GPC5: variants seen among roughly 807,000 people sequenced by gnomAD.
GPC5 encodes glypican-5.
A neutral mutation model predicts 53.9 loss-of-function variants in GPC5; 47 were observed. That is an observed-to-expected ratio of 0.87 (90% confidence interval 0.69 to 1.11). The LOEUF is 1.11. Among genes scored for constraint, GPC5 ranks in the 50% most tolerant of loss-of-function variants. The probability of loss-of-function intolerance (pLI) is 0.00; values close to 1 mark genes in which losing one functional copy is unlikely to be tolerated. For synonymous variants in GPC5, 286 were observed against 263.3 expected, an observed-to-expected ratio of 1.09 and a Z score of -0.84; for missense variants, 748 against 713.1, an observed-to-expected ratio of 1.05 and a Z score of -0.56.
At chr13:92,226,716 A>T (rs1420452939) in intron 7 of GPC5, among the ~76,000 whole-genome samples, 2 of 149,492 alleles carry the variant, frequency 1.3e-5, no homozygotes, top group Non-Finnish European at 1.5e-5. Context: ...CTCCTTCCCC[A>T]GTCTCCCGAG....
chr13:92,116,611 T>C (rs2041604090), intron 6 of GPC5, among the ~76,000 whole-genome samples: 1 of 152,238 alleles, frequency 6.6e-6, no homozygotes, highest in South Asian at 2.1e-4. Context: ...CAATGTATGC[T>C]AAACATCAAC....
chr13:91,886,734 T>G (rs749500926), intron 5 of GPC5, among the ~76,000 whole-genome samples: 9 of 152,216 alleles, frequency 5.9e-5, no homozygotes, highest in Non-Finnish European at 1.2e-4. Context: ...CATTAAATGT[T>G]AGAGTTCAAA....
intron 2 of GPC5, among the ~76,000 whole-genome samples, chr13:91,603,950 T>C (rs2033266080): frequency 8.4e-6 from 1 of 118,718 alleles, no homozygotes; most frequent in Non-Finnish European, 1.9e-5. Context: ...TTCTTACTAG[T>C]TTTTTTTTTT....
At chr13:92,631,113 CT>C (rs1342868919) in intron 7 of GPC5, among the ~76,000 whole-genome samples, 3 of 151,812 alleles carry the variant, frequency 2.0e-5, no homozygotes, top group African/African-American at 4.8e-5. Flanking sequence ...CTCATAAGAT[CT>C]TTTTATATTT....
At chr13:92,221,464 G>C (rs1269321799) in intron 7 of GPC5, among the ~76,000 whole-genome samples, 1 of 152,104 alleles carries the variant, frequency 6.6e-6, no homozygotes, top group Non-Finnish European at 1.5e-5. Context: ...TCAAAGTAGA[G>C]TTAGGAATTG....
chr13:92,309,062 T>A (rs922048551), intron 7 of GPC5, among the ~76,000 whole-genome samples: 2 of 152,112 alleles, frequency 1.3e-5, no homozygotes, highest in Non-Finnish European at 2.9e-5. Flanking sequence ...CACTAGCACT[T>A]TTTTAAAAAA....
At chr13:92,259,398 T>A (rs2139139163) in intron 7 of GPC5, among the ~76,000 whole-genome samples, 1 of 152,354 alleles carries the variant, frequency 6.6e-6, no homozygotes, top group African/African-American at 2.4e-5. Flanking sequence ...TGTCTCCTGC[T>A]GTTCCTTTAA....
At chr13:92,672,723 G>A (rs753227896) in intron 7 of GPC5, among the ~76,000 whole-genome samples, 3 of 152,156 alleles carry the variant, frequency 2.0e-5, no homozygotes, top group Non-Finnish European at 4.4e-5. Flanking sequence ...CAGAGACCAT[G>A]TCTTTTGCAG....
intron 6 of GPC5, among the ~76,000 whole-genome samples, chr13:92,103,664 G>A (rs1292352101): frequency 6.6e-6 from 1 of 152,126 alleles, no homozygotes; most frequent in Non-Finnish European, 1.5e-5. Context: ...GCATGTGTGT[G>A]CACAAGAATC....
chr13:91,728,202 ATAAATCAT>A (rs1223509006), intron 3 of GPC5, among the ~76,000 whole-genome samples: 7 of 152,172 alleles, frequency 4.6e-5, no homozygotes, highest in Non-Finnish European at 8.8e-5. Flanking sequence ...AGTTATACAT[ATAAATCAT>A]AAATAATATC....
chr13:91,483,826 T>C (rs1351562798), intron 2 of GPC5, among the ~76,000 whole-genome samples: 1 of 152,196 alleles, frequency 6.6e-6, no homozygotes, highest in Non-Finnish European at 1.5e-5. Flanking sequence ...TCATCAACAT[T>C]ACAGTGAAAC....
intron 2 of GPC5, among the ~76,000 whole-genome samples, chr13:91,471,661 G>A (rs1339565278): frequency 6.6e-6 from 1 of 152,098 alleles, no homozygotes; most frequent in Non-Finnish European, 1.5e-5. Context: ...CTTCAAAACT[G>A]TCTCAACACC....
intron 2 of GPC5, among the ~76,000 whole-genome samples, chr13:91,670,091 G>C (rs1483085001): frequency 6.6e-6 from 1 of 152,142 alleles, no homozygotes; most frequent in Non-Finnish European, 1.5e-5. Flanking sequence ...TAGTGGTTTT[G>C]TAGAGACTAT....
At chr13:92,017,607 G>A (rs2040718252) in intron 6 of GPC5, among the ~76,000 whole-genome samples, 1 of 152,222 alleles carries the variant, frequency 6.6e-6, no homozygotes, top group South Asian at 2.1e-4. Context: ...TTGAACTTCT[G>A]TATTAAAAAG....
chr13:92,601,790 G>A (rs148948211), intron 7 of GPC5, among the ~76,000 whole-genome samples: 34 of 151,852 alleles, frequency 2.2e-4, no homozygotes, highest in African/African-American at 7.7e-4. Flanking sequence ...AAATTTTAGA[G>A]GCTAAATTTG....
intron 6 of GPC5, among the ~76,000 whole-genome samples, chr13:92,019,550 TTC>T (rs2040738326): frequency 6.6e-6 from 1 of 152,122 alleles, no homozygotes; most frequent in African/African-American, 2.4e-5. Context: ...TTGCTCATGT[TTC>T]TCTGTGTCTA....
intron 2 of GPC5, among the ~76,000 whole-genome samples, chr13:91,533,060 T>C (rs1886424307): frequency 6.6e-6 from 1 of 152,186 alleles, no homozygotes; most frequent in Non-Finnish European, 1.5e-5. Flanking sequence ...GATAAGAACT[T>C]TTGAGAATCT....
chr13:92,040,251 C>T (rs2040931551), intron 6 of GPC5, among the ~76,000 whole-genome samples: 1 of 152,174 alleles, frequency 6.6e-6, no homozygotes, highest in South Asian at 2.1e-4. Flanking sequence ...GGGTTTTCGC[C>T]AGTCTCTGGT....
At chr13:92,234,791 G>T (rs977018526) in intron 7 of GPC5, among the ~76,000 whole-genome samples, 1 of 152,224 alleles carries the variant, frequency 6.6e-6, no homozygotes, top group South Asian at 2.1e-4. Flanking sequence ...TGGTGCAGGT[G>T]GAAGAGGAGG....
Sources: allele counts gnomAD v4.1 joint callset (sites outside exome capture counted in the v4.1 genomes callset), GRCh38; gene constraint gnomAD v4.1.1; transcripts MANE v1.5; gene names NCBI Gene and HGNC (gene_info 2026-07-23, HGNC 2026-07-21).